ANGPT1: variants seen among roughly 807,000 people sequenced by gnomAD.
The protein encoded by ANGPT1 is angiopoietin 1, also known as angiopoietin-1.
A neutral mutation model predicts 62.2 loss-of-function variants in ANGPT1; 17 were observed. That is an observed-to-expected ratio of 0.27 (90% CI 0.19 to 0.41). The LOEUF is 0.41. Ranked by LOEUF, ANGPT1 falls within the 10% of genes least tolerant of loss-of-function variation. The pLI is 1.00. For synonymous variants in ANGPT1, 199 were observed against 198.9 expected (o/e 1.00, Z 0.00); for missense variants, 478 against 594.9 (o/e 0.80, Z 2.04).
intron 1 of ANGPT1, among the ~76,000 whole-genome samples, chr8:107,417,675 A>G (rs1752468022): frequency 6.6e-6 from 1 of 152,170 alleles, no homozygotes; most frequent in African/African-American, 2.4e-5. Flanking sequence ...GAGAGCTACA[A>G]ATTCATCTGT....
At chr8:107,282,597 A>T (rs1377363194) in intron 7 of ANGPT1, among the ~76,000 whole-genome samples, 2 of 81,906 alleles carry the variant, frequency 2.4e-5, no homozygotes, top group Admixed American at 1.2e-4. Flanking sequence ...TATATATATG[A>T]GCCTCAGCTT....
chr8:107,355,030 C>T (rs1816012976), intron 1 of ANGPT1, among the ~76,000 whole-genome samples: 1 of 151,784 alleles, frequency 6.6e-6, no homozygotes, highest in East Asian at 1.9e-4. Context: ...CTGCCTCGGC[C>T]TCCCAAGTAT....
intron 1 of ANGPT1, among the ~76,000 whole-genome samples, chr8:107,472,403 A>T (rs1476618173): frequency 1.3e-5 from 2 of 152,050 alleles, no homozygotes; most frequent in East Asian, 3.9e-4. Context: ...AGCTACATAA[A>T]CTATTTTAAA....
intron 1 of ANGPT1, among the ~76,000 whole-genome samples, chr8:107,428,529 C>G (rs1341297370): frequency 6.6e-6 from 1 of 152,060 alleles, no homozygotes; most frequent in African/African-American, 2.4e-5. Flanking sequence ...TCTTCAGCTC[C>G]TTCATTTGGT....
intron 7 of ANGPT1, among the ~76,000 whole-genome samples, chr8:107,278,437 A>G (rs928013527): frequency 6.6e-6 from 1 of 152,194 alleles, no homozygotes; most frequent in Admixed American, 6.5e-5. Context: ...TACAAGGTAT[A>G]TATGTACACT....
At chr8:107,460,046 G>C (rs1411895698) in intron 1 of ANGPT1, among the ~76,000 whole-genome samples, 1 of 152,102 alleles carries the variant, frequency 6.6e-6, no homozygotes, top group African/African-American at 2.4e-5. Flanking sequence ...TTCACTACTT[G>C]TTTTTAGACA....
chr8:107,307,217 GC>G (rs1814739954), intron 4 of ANGPT1, among the ~76,000 whole-genome samples: 1 of 151,354 alleles, frequency 6.6e-6, no homozygotes, highest in African/African-American at 2.4e-5. Flanking sequence ...TTTCTTCTTA[GC>G]CTCGATCCCA....
At chr8:107,261,075 T>A (rs1442535021) in intron 8 of ANGPT1, among the ~76,000 whole-genome samples, 2 of 151,972 alleles carry the variant, frequency 1.3e-5, no homozygotes, top group Non-Finnish European at 2.9e-5. Context: ...ATTTATTTGG[T>A]AAGAAAAAAT....
At chr8:107,308,269 T>G (rs1433140703) in intron 4 of ANGPT1, among the ~76,000 whole-genome samples, 1 of 152,266 alleles carries the variant, frequency 6.6e-6, no homozygotes, top group South Asian at 2.1e-4. Context: ...CAATTCAAGG[T>G]GGCTTAAGCA....
intron 1 of ANGPT1, among the ~76,000 whole-genome samples, chr8:107,440,786 C>G (rs1811455104): frequency 6.6e-6 from 1 of 152,108 alleles, no homozygotes; most frequent in South Asian, 2.1e-4. Flanking sequence ...GTCAGAATAA[C>G]CAGTAGGTAA....
chr8:107,321,276 T>C (rs1457158650), intron 4 of ANGPT1, among the ~76,000 whole-genome samples: 1 of 152,038 alleles, frequency 6.6e-6, no homozygotes, highest in South Asian at 2.1e-4. Flanking sequence ...AAAATTTGTA[T>C]CTCCACTGTC....
intron 1 of ANGPT1, among the ~76,000 whole-genome samples, chr8:107,364,114 C>G (rs560375206): frequency 6.6e-6 from 1 of 152,100 alleles, no homozygotes; most frequent in East Asian, 1.9e-4. Flanking sequence ...AAGCCATTTA[C>G]TATATATATT....
intron 1 of ANGPT1, among the ~76,000 whole-genome samples, chr8:107,475,911 C>A (rs939613894): frequency 3.3e-5 from 5 of 151,598 alleles, no homozygotes; most frequent in Non-Finnish European, 5.9e-5. Context: ...AGTTAGAATT[C>A]GATCATTAAA....
At chr8:107,407,331 T>TA (rs1817170214) in intron 1 of ANGPT1, among the ~76,000 whole-genome samples, 1 of 151,674 alleles carries the variant, frequency 6.6e-6, no homozygotes, top group African/African-American at 2.4e-5. Flanking sequence ...AATGCATAAT[T>TA]CAAAAAAATC....
rs1476795265 is a variant in ANGPT1 at position 107,324,260 on chromosome 8, A to C, written c.576-2132T>G. Among the ~76,000 whole-genome samples, 3 of 151,434 alleles carry C rather than the reference A, an allele frequency of 2.0e-5. No individual in the cohort carries two copies. In the East Asian group the frequency reaches 5.8e-4, roughly 29 times the overall value. On this transcript the variant is annotated intron_variant, in intron 3 of 8. Transcript: ENST00000517746. ...GTGAAGTCCCAACCTCCAGGAAGTC[A>C]AGAATGTGGCCTTATTTAGAAACAG... is the stretch of plus-strand genomic sequence containing the variant.
At chr8:107,328,197 T>C (rs1815334017) in intron 3 of ANGPT1, among the ~76,000 whole-genome samples, 1 of 152,110 alleles carries the variant, frequency 6.6e-6, no homozygotes, top group Non-Finnish European at 1.5e-5. Flanking sequence ...TCAACATGTA[T>C]GGTGTCAACA....
At chr8:107,488,990 A>G (rs1812887024) in intron 1 of ANGPT1, among the ~76,000 whole-genome samples, 1 of 152,202 alleles carries the variant, frequency 6.6e-6, no homozygotes, top group African/African-American at 2.4e-5. Context: ...GAAAGTCTCC[A>G]ATAATCTTGA....
intron 1 of ANGPT1, among the ~76,000 whole-genome samples, chr8:107,490,402 A>T (rs1253617156): frequency 6.6e-6 from 1 of 152,148 alleles, no homozygotes; most frequent in East Asian, 1.9e-4. Flanking sequence ...TGCTTTAGGA[A>T]TATTTCCCTG....
At chr8:107,437,450 C>G (rs73313636) in intron 1 of ANGPT1, among the ~76,000 whole-genome samples, 2,140 of 152,200 alleles carry the variant, frequency 0.014, 50 homozygotes, top group African/African-American at 0.049. Context: ...ACAAAGAGAG[C>G]TGAAGTATGT....
Sources: gnomAD v4.1 joint callset for allele counts (sites outside exome capture counted in the v4.1 genomes callset) on GRCh38, gnomAD v4.1.1 for gene constraint, MANE v1.5 for transcripts, NCBI Gene and HGNC (gene_info 2026-07-23, HGNC 2026-07-21) for gene names.